Variants in UMAD1 observed in about 807,000 individuals in gnomAD.
UMAD1 encodes the protein UBAP1-MVB12-associated (UMA) domain containing 1, also known as UBAP1-MVB12-associated (UMA)-domain containing protein 1.
A neutral mutation model predicts 6.1 loss-of-function variants in UMAD1; 8 were observed. The ratio of observed to expected loss-of-function variants is 1.30; its 90% CI spans 0.76 to 2.35. The LOEUF (loss-of-function observed/expected upper bound fraction) is 2.35. Among genes scored for constraint, UMAD1 ranks in the 30% most tolerant of loss-of-function variants. The pLI, the probability that UMAD1 is intolerant of heterozygous loss-of-function variation, is 0.00. For missense variants in UMAD1, 130 were observed against 78.4 expected (o/e 1.66, Z -2.49); for synonymous variants, 56 against 31.4 (o/e 1.78, Z -2.61).
intron 2 of UMAD1, among the ~76,000 whole-genome samples, chr7:7,754,521 G>A (rs947996870): frequency 2.6e-5 from 4 of 152,114 alleles, no homozygotes; most frequent in African/African-American, 9.7e-5. Flanking sequence ...CGCATCAAAT[G>A]GGTAGCTTTC....
At chr7:7,758,982 A>G (rs1455987430) in intron 2 of UMAD1, among the ~76,000 whole-genome samples, 1 of 152,126 alleles carries the variant, frequency 6.6e-6, no homozygotes, top group East Asian at 1.9e-4. Context: ...GGACTAGTCA[A>G]ATTCTGTGGG....
At position 7,643,130 on chromosome 7, in the gene UMAD1, A is replaced by T. The variant is rs558753967; in HGVS notation, c.-64+2309A>T. Among the ~76,000 whole-genome samples, 37 of 152,288 alleles carry T rather than the reference A, an allele frequency of 2.4e-4. No homozygotes were observed. The South Asian group carries it at 3.5e-3, about 15-fold the overall frequency. Reference sequence around the variant, plus strand: ...CGAATTTGCTTCTCTAAAAATGATAATTCTGCAGCGCCAGGGAGAGGCCAT... The same window carrying T: ...CGAATTTGCTTCTCTAAAAATGATATTTCTGCAGCGCCAGGGAGAGGCCAT... On this transcript the variant is annotated intron_variant, in intron 1 of 3. Coordinates refer to ENST00000682710, the MANE Select transcript of UMAD1 (RefSeq NM_001302348.2).
chr7:7,736,494 T>A (rs1563165911), intron 2 of UMAD1: 1 of 152,316 alleles, frequency 6.6e-6, no homozygotes, highest in African/African-American at 2.4e-5. Context: ...CGCACTACTT[T>A]CAGAGATTCA....
intron 2 of UMAD1, among the ~76,000 whole-genome samples, chr7:7,750,802 T>C (rs1349205761): frequency 6.6e-6 from 1 of 152,142 alleles, no homozygotes. Flanking sequence ...GGCTGCAGAG[T>C]GCTCTTAACT....
At chr7:7,688,862 A>G (rs972652699) in intron 2 of UMAD1, among the ~76,000 whole-genome samples, 4 of 152,200 alleles carry the variant, frequency 2.6e-5, no homozygotes, top group African/African-American at 4.8e-5. Flanking sequence ...AAACCATTTA[A>G]TATTTGGTTA....
intron 1 of UMAD1, among the ~76,000 whole-genome samples, chr7:7,666,244 C>T (rs1779453167): frequency 6.6e-6 from 1 of 152,068 alleles, no homozygotes; most frequent in South Asian, 2.1e-4. Context: ...AGCCCTGTCA[C>T]CCAGGCTGGA....
intron 3 of UMAD1, among the ~76,000 whole-genome samples, chr7:7,863,977 A>AAT (rs1454642468): frequency 1.3e-4 from 20 of 152,228 alleles, no homozygotes; most frequent in Non-Finnish European, 1.2e-4. Context: ...GATAAGAAGA[A>AAT]ATATATATCT....
intron 2 of UMAD1, among the ~76,000 whole-genome samples, chr7:7,685,598 G>C (rs994086579): frequency 2.0e-5 from 3 of 152,110 alleles, no homozygotes; most frequent in Admixed American, 2.0e-4. Context: ...GTGAGCCACC[G>C]TGCCCGGCCA....
chr7:7,749,319 G>A (rs1319582796), intron 2 of UMAD1, among the ~76,000 whole-genome samples: 1 of 152,168 alleles, frequency 6.6e-6, no homozygotes, highest in African/African-American at 2.4e-5. Context: ...ACCTCAGTGA[G>A]AGTACAGTAT....
intron 1 of UMAD1, among the ~76,000 whole-genome samples, chr7:7,645,899 A>G (rs934137687): frequency 6.6e-6 from 1 of 151,354 alleles, no homozygotes; most frequent in Non-Finnish European, 1.5e-5. Context: ...AAAATTTGGC[A>G]TTATGGTTAT....
intron 1 of UMAD1, among the ~76,000 whole-genome samples, chr7:7,657,809 C>G (rs1368846429): frequency 6.6e-6 from 1 of 152,072 alleles, no homozygotes; most frequent in African/African-American, 2.4e-5. Flanking sequence ...TATTTTGGTT[C>G]TATGTGAAAT....
chr7:7,764,183 A>G lies in UMAD1; in HGVS notation c.83-37487A>G, dbSNP rs143199614. 5.9e-5 allele frequency among the ~76,000 whole-genome samples: 9 copies of G among 152,270 alleles called. No homozygotes were observed. In the East Asian group the frequency reaches 1.3e-3, roughly 23 times the overall value. On this transcript the variant is annotated intron_variant, in intron 2 of 3. Transcript: ENST00000682710. ...ATACGGCAGTCACAGAGCTGTTGCC[A>G]TCTGGGGGGTCATCTTGCAAGCTCA...
chr7:7,661,603 G>A (rs992236113), intron 1 of UMAD1, among the ~76,000 whole-genome samples: 5 of 152,160 alleles, frequency 3.3e-5, no homozygotes, highest in Admixed American at 6.5e-5. Context: ...AGGTCCAGTC[G>A]AGACCCTGTT....
intron 1 of UMAD1, among the ~76,000 whole-genome samples, chr7:7,662,221 GC>G (rs1333383965): frequency 6.6e-6 from 1 of 152,192 alleles, no homozygotes; most frequent in African/African-American, 2.4e-5. Flanking sequence ...ATAATTTCAA[GC>G]CAGTGGATCT....
chr7:7,646,707 T>A (rs577708408), intron 1 of UMAD1, among the ~76,000 whole-genome samples: 2 of 151,968 alleles, frequency 1.3e-5, no homozygotes, highest in South Asian at 2.1e-4. Context: ...GGGAAGATGA[T>A]CTTCCCTTGG....
At chr7:7,728,658 A>C (rs1000766949) in intron 2 of UMAD1, among the ~76,000 whole-genome samples, 1 of 151,934 alleles carries the variant, frequency 6.6e-6, no homozygotes. Context: ...AAAAAAAAAA[A>C]AACACCTATC....
chr7:7,722,007 C>T (rs972507668), intron 2 of UMAD1, among the ~76,000 whole-genome samples: 2 of 152,040 alleles, frequency 1.3e-5, no homozygotes, highest in African/African-American at 4.8e-5. Context: ...TTTTCCCATG[C>T]TGGATGCTTC....
chr7:7,854,761 T>G (rs908419907), intron 3 of UMAD1, among the ~76,000 whole-genome samples: 1 of 152,154 alleles, frequency 6.6e-6, no homozygotes, highest in Non-Finnish European at 1.5e-5. Flanking sequence ...TCCCCAAAAG[T>G]CTTAACCCAG....
intron 1 of UMAD1, among the ~76,000 whole-genome samples, chr7:7,647,271 A>G (rs1785118870): frequency 6.6e-6 from 1 of 152,152 alleles, no homozygotes; most frequent in Admixed American, 6.5e-5. Flanking sequence ...TTCAAAATGT[A>G]TAGGTTTTAT....
Sources: allele counts gnomAD v4.1 joint callset (sites outside exome capture counted in the v4.1 genomes callset), GRCh38; gene constraint gnomAD v4.1.1; transcripts MANE v1.5; gene names NCBI Gene and HGNC (gene_info 2026-07-23, HGNC 2026-07-21).